HIPK2: variants seen among roughly 807,000 people sequenced by gnomAD.
The protein encoded by HIPK2 is homeodomain-interacting protein kinase 2.
A neutral mutation model predicts 113.7 loss-of-function variants in HIPK2; 27 were observed. The ratio of observed to expected loss-of-function variants is 0.24; its 90% CI spans 0.17 to 0.33. The LOEUF (loss-of-function observed/expected upper bound fraction) is 0.33, where lower values mean the gene tolerates loss of function less well. Ranked by LOEUF, HIPK2 falls within the 10% of genes least tolerant of loss-of-function variation. The pLI, the probability that HIPK2 is intolerant of heterozygous loss-of-function variation, is 1.00. For synonymous variants in HIPK2, 631 were observed against 642.2 expected (o/e 0.98, Z 0.26); for missense variants, 1,257 against 1,588.0 (o/e 0.79, Z 3.54).
chr7:139,755,345 C>A (rs998091199), intron 1 of HIPK2, among the ~76,000 whole-genome samples: 1 of 152,224 alleles, frequency 6.6e-6, no homozygotes, highest in Non-Finnish European at 1.5e-5. Flanking sequence ...AACCCTGGAG[C>A]TGATGACCTC....
chr7:139,667,375 C>T (rs1398470600), intron 2 of HIPK2, among the ~76,000 whole-genome samples: 1 of 152,042 alleles, frequency 6.6e-6, no homozygotes, highest in Non-Finnish European at 1.5e-5. Context: ...AAATTAATTA[C>T]TTATAATTTT....
At chr7:139,703,430 A>T (rs1428370642) in intron 2 of HIPK2, among the ~76,000 whole-genome samples, 1 of 152,098 alleles carries the variant, frequency 6.6e-6, no homozygotes, top group Non-Finnish European at 1.5e-5. Flanking sequence ...TCTAATTTAC[A>T]AAAAGAGGAG....
intron 2 of HIPK2, among the ~76,000 whole-genome samples, chr7:139,705,459 C>T (rs1440373549): frequency 6.6e-6 from 1 of 152,036 alleles, no homozygotes; most frequent in Non-Finnish European, 1.5e-5. Flanking sequence ...TCACTGCAAG[C>T]TCCGCCTCCT....
intron 2 of HIPK2, among the ~76,000 whole-genome samples, chr7:139,633,665 T>C (rs1038291982): frequency 3.1e-4 from 44 of 140,174 alleles, no homozygotes; most frequent in African/African-American, 1.1e-3. Flanking sequence ...AAAAAAGGGG[T>C]TAGGCGCAGT....
At chr7:139,748,966 CA>C in intron 1 of HIPK2, among the ~76,000 whole-genome samples, 1 of 152,188 alleles carries the variant, frequency 6.6e-6, no homozygotes, top group Non-Finnish European at 1.5e-5. Context: ...AGGCTATTTC[CA>C]TGATACACCA....
chr7:139,752,306 T>G (rs1230150303), intron 1 of HIPK2, among the ~76,000 whole-genome samples: 1 of 152,222 alleles, frequency 6.6e-6, no homozygotes, highest in Non-Finnish European at 1.5e-5. Flanking sequence ...CAGACACCTG[T>G]CATCGCCCAC....
At position 139,568,965 on chromosome 7, in the gene HIPK2, T is replaced by G. The variant is rs1798176413; in HGVS notation, c.*3962A>C. On this transcript the variant is annotated 3_prime_UTR_variant, in exon 15 of 15. Transcript: ENST00000406875. Reference sequence around the variant, plus strand: ...CGGTGAAGCTGGCTATTTCACCCCTTTCTTCAACTGGGGCCTAGCACTTTG... The same window carrying G: ...CGGTGAAGCTGGCTATTTCACCCCTGTCTTCAACTGGGGCCTAGCACTTTG... The G allele has an allele frequency of 1.3e-5, 2 of 152,514 alleles. No individual in the cohort carries two copies. The highest frequency in any genetic ancestry group is 1.3e-4 in the Admixed American group (2 of 15,292). The allele number at this position is 152,514 out of a possible 1,614,324, so 9.4% of individuals were successfully genotyped here. A position where few individuals can be genotyped will look rare whatever the true frequency, so the allele number is the denominator to read the frequency against.
chr7:139,640,358 A>T (rs376847174), intron 2 of HIPK2, among the ~76,000 whole-genome samples: 2 of 152,010 alleles, frequency 1.3e-5, no homozygotes, highest in Non-Finnish European at 2.9e-5. Flanking sequence ...AGATCATATG[A>T]CCCTGCAGGG....
chr7:139,668,126 C>CA (rs35566561), intron 2 of HIPK2, among the ~76,000 whole-genome samples: 9,694 of 55,278 alleles, frequency 0.18, 529 homozygotes, highest in East Asian at 0.32. Flanking sequence ...AACTCCATCT[C>CA]AAAAAAAAAA....
At chr7:139,656,543 C>T (rs550217049) in intron 2 of HIPK2, among the ~76,000 whole-genome samples, 2 of 152,332 alleles carry the variant, frequency 1.3e-5, no homozygotes, top group African/African-American at 4.8e-5. Flanking sequence ...TGCCTCTAAT[C>T]TTTCCCTCCG....
chr7:139,678,623 T>C (rs1365544449), intron 2 of HIPK2, among the ~76,000 whole-genome samples: 2 of 152,230 alleles, frequency 1.3e-5, no homozygotes, highest in African/African-American at 4.8e-5. Context: ...GCCGCTAGCT[T>C]TGTTCTTTTT....
intron 11 of HIPK2, among the ~76,000 whole-genome samples, chr7:139,598,718 T>C (rs559186621): frequency 6.6e-6 from 1 of 152,296 alleles, no homozygotes; most frequent in South Asian, 2.1e-4. Flanking sequence ...GCTAAACAGG[T>C]TGGGAGGCTA....
chr7:139,601,242 CA>C (rs11340089), intron 10 of HIPK2, among the ~76,000 whole-genome samples: 14,315 of 92,432 alleles, frequency 0.15, 962 homozygotes, highest in African/African-American at 0.29. Context: ...GACACTGTCT[CA>C]AAAAAAAAAA....
Position 139,658,261 on chromosome 7 carries a change from G to A in HIPK2, c.1104-26536C>T, listed in dbSNP as rs150744339. Among the ~76,000 whole-genome samples the A allele has an allele frequency of 4.0e-3, 607 of 151,268 alleles. 5 individuals carry two copies. The highest frequency in any genetic ancestry group is 0.014 in the African/African-American group (575 of 41,108). Reference sequence around the variant, plus strand: ...GCGGAGGTTGCAGTGAGCAGAGATCGTGCCATTGCACTCCAGCCTAGGTGA... The same window carrying A: ...GCGGAGGTTGCAGTGAGCAGAGATCATGCCATTGCACTCCAGCCTAGGTGA... On this transcript the variant is annotated intron_variant, in intron 2 of 14. Transcript: ENST00000406875.
intron 2 of HIPK2, among the ~76,000 whole-genome samples, chr7:139,669,547 G>A (rs1425200097): frequency 6.6e-6 from 1 of 151,824 alleles, no homozygotes; most frequent in Non-Finnish European, 1.5e-5. Flanking sequence ...TTACACGGAT[G>A]GTATCTGGCA....
rs563059977 is a variant in HIPK2, at chr7:139,662,392, T to C, written c.1104-30667A>G. On this transcript the variant is annotated intron_variant, in intron 2 of 14. Coordinates refer to ENST00000406875, the MANE Select transcript of HIPK2 (RefSeq NM_022740.5). ...AATGTTATGAAGAAAATAAATGGGA[T>C]TCATTTGGCATGCCTTTTTCCTCAG... 1.0e-3 allele frequency among the ~76,000 whole-genome samples: 152 copies of C among 152,354 alleles called. 1 individual carries two copies. Among genetic ancestry groups the C allele is most frequent in the African/African-American group, 3.6e-3 (149 of 41,584 alleles).
chr7:139,626,755 C>T lies in HIPK2; in HGVS notation c.1465G>A (p.Asp489Asn), dbSNP rs767454229. 2.5e-5 allele frequency: 41 copies of T among 1,613,872 alleles called. No individual in the cohort carries two copies. Among genetic ancestry groups the T allele is most frequent in the Non-Finnish European group, 3.2e-5 (38 of 1,179,908 alleles). Residue 489 changes from aspartate to asparagine, a missense_variant, in exon 6 of 15, where the codon GAC becomes AAC. This residue lies in a region of HIPK2 where 862 missense variants were observed against 1,004.3 expected (regional missense o/e 0.86). Transcript: ENST00000406875. ...CGGTCAGCCTTTTCTACCAACATGT[C>T]GCTCCCTTCCAAATCTGTCGTCATG... is the stretch of plus-strand genomic sequence containing the variant. ...VNMTTDLEGS[D>N]MLVEKADRRE...
chr7:139,653,007 T>TG (rs1256154469), intron 2 of HIPK2, among the ~76,000 whole-genome samples: 1 of 151,380 alleles, frequency 6.6e-6, no homozygotes, highest in Non-Finnish European at 1.5e-5. Context: ...GGTGTGGTGG[T>TG]GGGGGCCTGT....
At chr7:139,574,580 G>A (rs1798425026) in intron 14 of HIPK2, among the ~76,000 whole-genome samples, 1 of 152,202 alleles carries the variant, frequency 6.6e-6, no homozygotes, top group African/African-American at 2.4e-5. Context: ...AGGGCCCTGA[G>A]TCCACCACGT....
Sources: gnomAD v4.1 joint callset for allele counts (sites outside exome capture counted in the v4.1 genomes callset) on GRCh38, gnomAD v4.1.1 for gene constraint, gnomAD v4.1.1 regional missense constraint, MANE v1.5 for transcripts, NCBI Gene and HGNC (gene_info 2026-07-23, HGNC 2026-07-21) for gene names.